PDE12: variants seen among roughly 807,000 people sequenced by gnomAD.
PDE12 encodes phosphodiesterase 12, also known as 2',5'-phosphodiesterase 12.
A neutral mutation model predicts 45.4 loss-of-function variants in PDE12; 26 were observed. That is an observed-to-expected ratio of 0.57 (90% confidence interval 0.42 to 0.79). PDE12 has a LOEUF of 0.79. Among genes scored for constraint, PDE12 ranks in the 30% least tolerant of loss-of-function variants. The pLI is 0.00. For missense variants in PDE12, 668 were observed against 790.0 expected (o/e 0.85, Z 1.85); for synonymous variants, 283 against 323.9 (o/e 0.87, Z 1.36).
At chr3:57,604,998 A>C in the PDE12 span, among the ~76,000 whole-genome samples, 2 of 152,142 alleles carry the variant, frequency 1.3e-5, no homozygotes, top group African/African-American at 4.8e-5. Flanking sequence ...AACCAGATTT[A>C]CCCACTCACC....
chr3:57,627,610 A>G, the PDE12 span: 1 of 152,470 alleles, frequency 6.6e-6, no homozygotes, highest in Non-Finnish European at 1.5e-5. Flanking sequence ...CTATTAATAA[A>G]CACAATGGGT....
At chr3:57,597,403 C>T in the PDE12 span, 3 of 324,296 alleles carry the variant, frequency 9.3e-6, 1 homozygote, top group African/African-American at 2.2e-5. Context: ...ACGCGGCGGC[C>T]GCGGCGACTC....
chr3:57,655,651 T>C, the PDE12 span, among the ~76,000 whole-genome samples: 58,780 of 152,008 alleles, frequency 0.39, 12,713 homozygotes, highest in South Asian at 0.56. Context: ...GTTCAGGCTA[T>C]GTGTATAAGG....
chr3:57,574,374 C>G, the PDE12 span, among the ~76,000 whole-genome samples: 12 of 151,522 alleles, frequency 7.9e-5, no homozygotes, highest in Non-Finnish European at 1.5e-4. Flanking sequence ...CACTGAATCA[C>G]TGATCAATGA....
chr3:57,600,396 T>TTCATCCTTCCC, the PDE12 span, among the ~76,000 whole-genome samples: 1 of 151,512 alleles, frequency 6.6e-6, no homozygotes, highest in Non-Finnish European at 1.5e-5. Flanking sequence ...TTTTCTTTCC[T>TTCATCCTTCCC]TCATCCTTCC....
the PDE12 span, among the ~76,000 whole-genome samples, chr3:57,623,531 T>C: frequency 1.3e-5 from 2 of 151,984 alleles, no homozygotes; most frequent in African/African-American, 4.8e-5. Context: ...GTACAAAAAT[T>C]AGCTGGGTAT....
rs1445423098 is a variant in PDE12, at chr3:57,557,666, C to T, written c.1287C>T (p.Leu429=). The change falls in exon 1 of 3, where the codon CTC becomes CTT. Residue 429 remains leucine (L), a synonymous_variant. Transcript: ENST00000311180. ...VLYPSAQEKV[L]QRSSVLQVSV... ...ACCCATCAGCGCAGGAGAAGGTGCTCCAGAGATCTTCTGTTCTTCAGGTAA... is the reference window on the plus strand; with the variant it reads ...ACCCATCAGCGCAGGAGAAGGTGCTTCAGAGATCTTCTGTTCTTCAGGTAA... 6.2e-7 allele frequency: 1 copy of T among 1,613,686 alleles called. No homozygotes were observed. Among genetic ancestry groups the T allele is most frequent in the East Asian group, 2.2e-5 (1 of 44,898 alleles).
At chr3:57,643,748 A>C in the PDE12 span, among the ~76,000 whole-genome samples, 1 of 149,786 alleles carries the variant, frequency 6.7e-6, no homozygotes, top group Non-Finnish European at 1.5e-5. Context: ...AATCACTTGA[A>C]CCCAGGAGGT....
downstream of PDE12, among the ~76,000 whole-genome samples, chr3:57,569,829 C>CAA (rs11310053): frequency 0.011 from 771 of 67,198 alleles, 5 homozygotes; most frequent in African/African-American, 0.022. Flanking sequence ...AAAACCATCT[C>CAA]AAAAAAAAAA....
the PDE12 span, chr3:57,646,585 A>G: frequency 8.4e-7 from 1 of 1,188,716 alleles, no homozygotes; most frequent in Non-Finnish European, 1.1e-6. Flanking sequence ...CATTTAGAAT[A>G]TGGTGATGTA....
chr3:57,575,034 A>G, the PDE12 span, among the ~76,000 whole-genome samples: 1 of 152,036 alleles, frequency 6.6e-6, no homozygotes, highest in Non-Finnish European at 1.5e-5. Flanking sequence ...TTTTTAGTAG[A>G]GACAGGGTTT....
rs773745915 is a variant in PDE12 at position 57,556,386 on chromosome 3, A to T, written c.7A>T (p.Arg3Trp). The change falls in exon 1 of 3, where the codon AGG becomes TGG. Residue 3 changes from arginine (R) to tryptophan (W), a missense_variant. Physicochemically the swap from Arg to Trp is moderately radical, Grantham distance 101. Around this residue, in one of 3 missense-constraint regions of PDE12, gnomAD observed 580 missense variants for 662.9 expected, o/e 0.87. Transcript: ENST00000311180. The surrounding 1 kb of genome is among the most constrained non-coding windows in gnomAD (Gnocchi z 5.0). MW[R>W]LPGARAALRV... ...CCGCTAGGCCACCAGGTTCATGTGG[A>T]GGCTCCCAGGCGCCCGCGCCGCGCT... 8 of 1,573,582 alleles carry T rather than the reference A, an allele frequency of 5.1e-6. No individual in the cohort carries two copies. The East Asian group carries it at 1.9e-4, about 37-fold the overall frequency.
At chr3:57,572,625 G>A in the PDE12 span, among the ~76,000 whole-genome samples, 184 of 152,234 alleles carry the variant, frequency 1.2e-3, no homozygotes, top group Non-Finnish European at 2.3e-3. Context: ...GCAGTGAGCC[G>A]AGGCTGTGCC....
At chr3:57,577,207 C>G in the PDE12 span, 2 of 874,880 alleles carry the variant, frequency 2.3e-6, no homozygotes, top group Non-Finnish European at 3.7e-6. Flanking sequence ...TTTCTAGCCC[C>G]CCCAATCCAT....
chr3:57,574,509 A>G, the PDE12 span, among the ~76,000 whole-genome samples: 1 of 151,206 alleles, frequency 6.6e-6, no homozygotes, highest in African/African-American at 2.4e-5. Flanking sequence ...TTCTGGGTTC[A>G]AACAGTCCTC....
the PDE12 span, chr3:57,596,656 A>G: frequency 1.6e-5 from 3 of 184,532 alleles, no homozygotes; most frequent in Non-Finnish European, 2.3e-5. Flanking sequence ...GCAGAAGGGG[A>G]GGGAAAAGGC....
the PDE12 span, among the ~76,000 whole-genome samples, chr3:57,601,131 AT>A: frequency 1.3e-5 from 2 of 150,254 alleles, no homozygotes; most frequent in East Asian, 3.9e-4. Flanking sequence ...ATTTTATTTT[AT>A]TTTTTTTTGC....
At chr3:57,558,822 G>T (rs372750893) in intron 1 of PDE12, among the ~76,000 whole-genome samples, 11 of 140,780 alleles carry the variant, frequency 7.8e-5, no homozygotes, top group African/African-American at 2.3e-4. Context: ...ATGTTACACT[G>T]AACCTAGTCA....
chr3:57,562,139 A>G lies in PDE12; in HGVS notation c.*2135A>G, dbSNP rs1470986466. ...CCCTTAGAGTGACTTGGGAGAAAAC[A>G]AAGTGTCACATCAAAAAGTTGAGAA... On this transcript the variant is annotated 3_prime_UTR_variant, in exon 3 of 3. Transcript: ENST00000311180. The G allele has an allele frequency of 1.8e-5, 18 of 973,214 alleles. No individual in the cohort carries two copies. Among genetic ancestry groups the G allele is most frequent in the Non-Finnish European group, 2.2e-5 (18 of 818,832 alleles). 60.3% of individuals were successfully genotyped at this position (973,214 alleles called of 1,614,324 possible).
Sources: gnomAD v4.1 joint callset for allele counts (sites outside exome capture counted in the v4.1 genomes callset) on GRCh38, gnomAD v4.1.1 for gene constraint, gnomAD v4.1.1 regional missense constraint, Gnocchi (gnomAD v3.1) non-coding constraint, MANE v1.5 for transcripts, NCBI Gene and HGNC (gene_info 2026-07-23, HGNC 2026-07-21) for gene names.